Variants in HSPB1 observed in about 807,000 individuals in gnomAD.
HSPB1 encodes heat shock protein beta-1.
In HSPB1, 19 loss-of-function variants were observed where a neutral mutation model predicts 17.0. The ratio of observed to expected loss-of-function variants is 1.12; its 90% CI spans 0.78 to 1.64. HSPB1 has a LOEUF of 1.64. Ranked by LOEUF, HSPB1 falls within the 40% of genes most tolerant of loss-of-function variation. The pLI is 0.00. For missense variants in HSPB1, 348 were observed against 289.2 expected (o/e 1.20, Z -1.47); for synonymous variants, 165 against 129.8 (o/e 1.27, Z -1.84).
intron 1 of HSPB1, chr7:76,303,399 CAAA>C (rs1033431359): frequency 1.1e-5 from 5 of 465,678 alleles, no homozygotes; most frequent in African/African-American, 8.2e-5. Flanking sequence ...AAAAAGCAAA[CAAA>C]AATTTTTTTA....
At chr7:76,303,103 G>A in intron 1 of HSPB1, 27 bp downstream of exon 1, 1 of 1,506,966 alleles carries the variant, frequency 6.6e-7, no homozygotes, top group Non-Finnish European at 8.9e-7. Flanking sequence ...CTGCAGGGGA[G>A]AGGAGGAGGC....
chr7:76,303,251 TA>T, intron 1 of HSPB1, 175 bp downstream of exon 1: 1 of 744,442 alleles, frequency 1.3e-6, no homozygotes, highest in Non-Finnish European at 2.1e-6. Flanking sequence ...GGGTCGCTTC[TA>T]AGGGCGCTTT....
Position 76,302,733 on chromosome 7 carries a change from C to T in HSPB1, c.21C>T (p.Pro7=), listed in dbSNP as rs759998200. The T allele has an allele frequency of 1.2e-5, 20 of 1,604,390 alleles. No individual in the cohort carries two copies. The highest frequency in any genetic ancestry group is 1.7e-5 in the Non-Finnish European group (20 of 1,179,840). MTERRV[P]FSLLRGPSWD... Reference sequence around the variant, plus strand: ...CCAGCATGACCGAGCGCCGCGTCCCCTTCTCGCTCCTGCGGGGCCCCAGCT... The same window carrying T: ...CCAGCATGACCGAGCGCCGCGTCCCTTTCTCGCTCCTGCGGGGCCCCAGCT... Residue 7 remains proline (P), a synonymous_variant, in exon 1 of 3, where the codon CCC becomes CCT. Transcript: ENST00000248553.
At chr7:76,303,455 C>T (rs955097726) in intron 1 of HSPB1, 2 of 529,504 alleles carry the variant, frequency 3.8e-6, no homozygotes, top group South Asian at 2.4e-5. Flanking sequence ...TCTACAGAGT[C>T]CCCTTCCCAC....
In HSPB1 at chr7:76,303,068, A is replaced by G; in HGVS notation, c.356A>G (p.Glu119Gly). 2.6e-6 allele frequency: 4 copies of G among 1,528,322 alleles called. No homozygotes were observed. The highest frequency in any genetic ancestry group is 3.5e-6 in the Non-Finnish European group (4 of 1,138,960). 94.7% of individuals were successfully genotyped at this position (1,528,322 alleles called of 1,614,324 possible). ...LTVKTKDGVV[E>G]ITGKHEERQD... ...GTCAAGACCAAGGATGGCGTGGTGGAGATCACCGGTGAGCCCCCCTGCTCC... is the reference window on the plus strand; with the variant it reads ...GTCAAGACCAAGGATGGCGTGGTGGGGATCACCGGTGAGCCCCCCTGCTCC... Residue 119 changes from glutamate (E) to glycine (G), a missense_variant, in exon 1 of 3, where the codon GAG becomes GGG. Glu to Gly is a moderately conservative substitution (Grantham distance 98). Transcript: ENST00000248553.
Position 76,304,193 on chromosome 7 carries a change from A to T in HSPB1, c.*20A>T. ...AAGTAAAGCCTTAGCCCGGATGCCC[A>T]CCCCTGCTGCCGCCACTGGCTGTGC... On this transcript the variant is annotated 3_prime_UTR_variant, in exon 3 of 3. Coordinates refer to ENST00000248553, the MANE Select transcript of HSPB1 (RefSeq NM_001540.5). The T allele has an allele frequency of 6.3e-7, 1 of 1,593,886 alleles. No homozygotes were observed. The highest frequency in any genetic ancestry group is 8.5e-7 in the Non-Finnish European group (1 of 1,170,620).
At position 76,302,723 on chromosome 7, in the gene HSPB1, G is replaced by A. The variant is rs748730374; in HGVS notation, c.11G>A (p.Arg4His). The A allele has an allele frequency of 1.2e-5, 19 of 1,602,634 alleles. No individual in the cohort carries two copies. The highest frequency in any genetic ancestry group is 1.5e-5 in the Non-Finnish European group (18 of 1,179,864). MTE[R>H]RVPFSLLRGP... ...GCAGAGTCAGCCAGCATGACCGAGC[G>A]CCGCGTCCCCTTCTCGCTCCTGCGG... is the stretch of plus-strand genomic sequence containing the variant. Residue 4 changes from arginine to histidine, a missense_variant, in exon 1 of 3, where the codon CGC becomes CAC. Physicochemically the swap from Arg to His is conservative, Grantham distance 29 (BLOSUM62 0). Transcript: ENST00000248553.
intron 1 of HSPB1, 89 bp downstream of exon 1, chr7:76,303,165 G>T (rs530801694): frequency 3.9e-5 from 57 of 1,444,380 alleles, no homozygotes; most frequent in Non-Finnish European, 4.8e-5. Flanking sequence ...GGTCCCGGGG[G>T]CCTGGGGAGT....
In HSPB1 at chr7:76,303,706, C is replaced by G. The variant is rs183197195; in HGVS notation, c.365-96C>G. 1.6e-3 allele frequency: 1,647 copies of G among 1,033,364 alleles called. 6 individuals carry two copies. Among genetic ancestry groups the G allele is most frequent in the Non-Finnish European group, 2.0e-3 (1,317 of 655,584 alleles). The allele number at this position is 1,033,364 out of a possible 1,614,324, so 64.0% of individuals were successfully genotyped here. On this transcript the variant is annotated intron_variant, in intron 1 of 2. Coordinates refer to ENST00000248553, the MANE Select transcript of HSPB1 (RefSeq NM_001540.5). ...CTGTTAATCCCTACCAGCCTGCAGT[C>G]CTGGCTGCTTCCAAGCAGGAGGTGG...
In HSPB1 at chr7:76,302,840, C is replaced by T. The variant is rs950234286; in HGVS notation, c.128C>T (p.Ser43Leu). Residue 43 changes from serine to leucine, a missense_variant, in exon 1 of 3, where the codon TCG becomes TTG. Physicochemically the swap from Ser to Leu is moderately radical, Grantham distance 145. Coordinates refer to ENST00000248553, the MANE Select transcript of HSPB1 (RefSeq NM_001540.5). ...FGLPRLPEEWSQWLGGSSWPG... is the reference protein window; with the variant it reads ...FGLPRLPEEWLQWLGGSSWPG... ...CTGCCCCGGCTGCCGGAGGAGTGGT[C>T]GCAGTGGTTAGGCGGCAGCAGCTGG... 3.1e-6 allele frequency: 5 copies of T among 1,601,660 alleles called. No individual in the cohort carries two copies. In the African/African-American group the frequency reaches 5.3e-5, roughly 17 times the overall value.
rs1803032707 is a variant in HSPB1 at position 76,303,083 on chromosome 7, C to T, written c.364+7C>T. 2.0e-6 allele frequency: 3 copies of T among 1,517,470 alleles called. No homozygotes were observed. Among genetic ancestry groups the T allele is most frequent in the Non-Finnish European group, 2.6e-6 (3 of 1,133,104 alleles). 94.0% of individuals were successfully genotyped at this position (1,517,470 alleles called of 1,614,324 possible). ...GGCGTGGTGGAGATCACCGGTGAGC[C>T]CCCCTGCTCCTGCAGGGGAGAGGAG... On this transcript the variant is annotated splice_region_variant and intron_variant, in intron 1 of 2. Coordinates refer to ENST00000248553, the MANE Select transcript of HSPB1 (RefSeq NM_001540.5).
At chr7:76,303,622 A>T (rs936777525) in intron 1 of HSPB1, 180 bp from the exon 2 acceptor site, 34 of 639,608 alleles carry the variant, frequency 5.3e-5, no homozygotes, top group Non-Finnish European at 7.2e-5. Context: ...GAATCGAAGA[A>T]CTTTCCGGAA....
chr7:76,303,081 GC>G lies in HSPB1; in HGVS notation c.364+11del, dbSNP rs773836576. 7 of 1,519,824 alleles carry G rather than the reference GC, an allele frequency of 4.6e-6. No homozygotes were observed. The highest frequency in any genetic ancestry group is 2.7e-5 in the African/African-American group (2 of 72,954). 94.1% of individuals were successfully genotyped at this position (1,519,824 alleles called of 1,614,324 possible). ...ATGGCGTGGTGGAGATCACCGGTGA[GC>G]CCCCCTGCTCCTGCAGGGGAGAGGA... On this transcript the variant is annotated splice_donor_region_variant and intron_variant, in intron 1 of 2. Coordinates refer to ENST00000248553, the MANE Select transcript of HSPB1 (RefSeq NM_001540.5).
At position 76,302,782 on chromosome 7, in the gene HSPB1, C is replaced by A. The variant is rs1414148792; in HGVS notation, c.70C>A (p.Pro24Thr). 1.1e-5 allele frequency: 17 copies of A among 1,608,068 alleles called. No homozygotes were observed. The highest frequency in any genetic ancestry group is 3.4e-4 in the Middle Eastern group (2 of 5,798). The change falls in exon 1 of 3, where the codon CCG (proline) becomes ACG (threonine). Residue 24 changes from proline (P) to threonine (T), a missense_variant. Physicochemically the swap from Pro to Thr is conservative, Grantham distance 38. Coordinates refer to ENST00000248553, the MANE Select transcript of HSPB1 (RefSeq NM_001540.5). ...PSWDPFRDWY[P>T]HSRLFDQAFG... Reference sequence around the variant, plus strand: ...CTGGGACCCCTTCCGCGACTGGTACCCGCATAGCCGCCTCTTCGACCAGGC... The same window carrying A: ...CTGGGACCCCTTCCGCGACTGGTACACGCATAGCCGCCTCTTCGACCAGGC...
In HSPB1 at chr7:76,302,946, C is replaced by G. The variant is rs746628105; in HGVS notation, c.234C>G (p.Ser78Arg). ...CGCCCGCCTACAGCCGCGCGCTCAG[C>G]CGGCAACTCAGCAGCGGGGTCTCGG... ...VAAPAYSRAL[S>R]RQLSSGVSEI... is the part of the protein sequence containing the mutation. The change falls in exon 1 of 3, where the codon AGC becomes AGG. Residue 78 changes from serine (S) to arginine (R), a missense_variant. Ser to Arg is a moderately radical substitution (Grantham distance 110, BLOSUM62 -1). Transcript: ENST00000248553. 5 of 1,544,884 alleles carry G rather than the reference C, an allele frequency of 3.2e-6. No individual in the cohort carries two copies. In the African/African-American group the frequency reaches 6.8e-5, roughly 21 times the overall value.
intron 1 of HSPB1, chr7:76,303,393 A>C (rs1803041067): frequency 2.0e-6 from 1 of 487,986 alleles, no homozygotes; most frequent in Non-Finnish European, 3.6e-6. Flanking sequence ...ACAAAAAAAA[A>C]GCAAACAAAA....
rs760506471 is a variant in HSPB1 at position 76,302,895 on chromosome 7, C to T, written c.183C>T (p.Ala61=). 2 of 1,556,056 alleles carry T rather than the reference C, an allele frequency of 1.3e-6. No homozygotes were observed. The highest frequency in any genetic ancestry group is 8.6e-7 in the Non-Finnish European group (1 of 1,156,722). ...WPGYVRPLPP[A]AIESPAVAAP... is the part of the protein sequence containing the mutation. ...GCTACGTGCGCCCCCTGCCCCCCGC[C>T]GCCATCGAGAGCCCCGCAGTGGCCG... Residue 61 remains alanine (A), a synonymous_variant, in exon 1 of 3, where the codon GCC becomes GCT. Transcript: ENST00000248553.
chr7:76,303,467 C>T (rs1187743733), intron 1 of HSPB1: 7 of 548,288 alleles, frequency 1.3e-5, no homozygotes, highest in East Asian at 3.1e-5. Flanking sequence ...CCTTCCCACC[C>T]ACAGCCCCAT....
At position 76,303,748 on chromosome 7, in the gene HSPB1, G is replaced by A. The variant is rs1221929681; in HGVS notation, c.365-54G>A. 4.6e-6 allele frequency: 7 copies of A among 1,537,182 alleles called. No individual in the cohort carries two copies. The Admixed American group carries it at 6.7e-5, about 15-fold the overall frequency. On this transcript the variant is annotated intron_variant, in intron 1 of 2. Coordinates refer to ENST00000248553, the MANE Select transcript of HSPB1 (RefSeq NM_001540.5). ...AGGAGGTGGGGCCTCTGGCCTAGCGGGGCCGAAAGGCAGTCCCCTCCCCCG... is the reference window on the plus strand; with the variant it reads ...AGGAGGTGGGGCCTCTGGCCTAGCGAGGCCGAAAGGCAGTCCCCTCCCCCG...
Sources: gnomAD v4.1 joint callset for allele counts on GRCh38, gnomAD v4.1.1 for gene constraint, MANE v1.5 for transcripts, NCBI Gene and HGNC (gene_info 2026-07-23, HGNC 2026-07-21) for gene names.